Variants in CDH20 observed in about 807,000 individuals in gnomAD.
CDH20 encodes the protein cadherin 20, also known as cadherin-20.
In CDH20, 29 loss-of-function variants were observed where a neutral mutation model predicts 74.2. That is an observed-to-expected ratio of 0.39 (90% CI 0.29 to 0.53). CDH20 has a LOEUF of 0.53. CDH20 is among the 20% of genes least tolerant of loss of function. The probability of loss-of-function intolerance (pLI) is 0.69; values close to 1 mark genes in which losing one functional copy is unlikely to be tolerated. For synonymous variants in CDH20, 469 were observed against 405.4 expected (o/e 1.16, Z -1.88); for missense variants, 988 against 1,048.3 (o/e 0.94, Z 0.79).
intron 3 of CDH20, among the ~76,000 whole-genome samples, chr18:61,499,773 A>T (rs140933367): frequency 1.2e-4 from 19 of 152,274 alleles, no homozygotes; most frequent in African/African-American, 4.6e-4. Context: ...GATTTGTTTC[A>T]TAAGGGAGAA....
chr18:61,547,154 C>A (rs1913278033), intron 10 of CDH20, among the ~76,000 whole-genome samples: 1 of 152,124 alleles, frequency 6.6e-6, no homozygotes, highest in African/African-American at 2.4e-5. Context: ...CACACCAAGA[C>A]CCCATCCCTA....
intron 1 of CDH20, among the ~76,000 whole-genome samples, chr18:61,454,384 G>A (rs991849791): frequency 3.9e-5 from 6 of 152,230 alleles, no homozygotes; most frequent in Non-Finnish European, 7.4e-5. Flanking sequence ...TTGAGTTTTC[G>A]TTTTGGTTTG....
intron 3 of CDH20, among the ~76,000 whole-genome samples, chr18:61,499,779 G>T (rs1027957344): frequency 6.6e-6 from 1 of 152,132 alleles, no homozygotes; most frequent in Non-Finnish European, 1.5e-5. Context: ...TTTCATAAGG[G>T]AGAAATATTT....
intron 1 of CDH20, among the ~76,000 whole-genome samples, chr18:61,437,908 A>G (rs1031498765): frequency 6.6e-6 from 1 of 152,162 alleles, no homozygotes; most frequent in African/African-American, 2.4e-5. Context: ...TAAATGATTA[A>G]TACAGGGAAT....
chr18:61,377,533 T>C (rs925658813), intron 1 of CDH20, among the ~76,000 whole-genome samples: 1 of 152,094 alleles, frequency 6.6e-6, no homozygotes, highest in African/African-American at 2.4e-5. Context: ...TTTGAGTTTT[T>C]ACTTGGCCGC....
rs1394632012 is a variant in CDH20 at position 61,555,184 on chromosome 18, A to G, written c.*489A>G. On this transcript the variant is annotated 3_prime_UTR_variant, in exon 12 of 12. Coordinates refer to ENST00000262717, the MANE Select transcript of CDH20 (RefSeq NM_031891.4). ...CACAAGAAAGAACAAAAAACTTGTT[A>G]CTCAGTGAAATTAACCTACTTGTTC... The G allele has an allele frequency of 2.0e-6, 2 of 987,314 alleles. No individual in the cohort carries two copies. The highest frequency in any genetic ancestry group is 1.8e-5 in the African/African-American group (1 of 56,770). The allele number at this position is 987,314 out of a possible 1,614,324, so 61.2% of individuals were successfully genotyped here.
At position 61,554,676 on chromosome 18, in the gene CDH20, G is replaced by T. The variant is rs753763189; in HGVS notation, c.2387G>T (p.Gly796Val). The T allele has an allele frequency of 6.3e-7, 1 of 1,575,998 alleles. No homozygotes were observed. The highest frequency in any genetic ancestry group is 8.6e-7 in the Non-Finnish European group (1 of 1,160,522). The stretch of plus-strand genomic sequence containing the variant: ...GCCGAGCTCTACGGGGCGTCGGAGG[G>T]ACCCGCGCCGCTGTGGTGACGGAAG... ...KLAELYGASE[G>V]PAPLW The change falls in exon 12 of 12, where the codon GGA becomes GTA. Residue 796 changes from glycine to valine, a missense_variant. Around this residue, in one of 2 missense-constraint regions of CDH20, gnomAD observed 375 missense variants for 293.1 expected, o/e 1.28. Transcript: ENST00000262717.
intron 7 of CDH20, among the ~76,000 whole-genome samples, chr18:61,535,373 G>C (rs1469968391): frequency 1.3e-5 from 2 of 152,022 alleles, no homozygotes; most frequent in Admixed American, 1.3e-4. Context: ...CTTTACCAAG[G>C]ACTACATAAG....
chr18:61,340,476 T>C (rs1477013412), intron 1 of CDH20, among the ~76,000 whole-genome samples: 1 of 152,140 alleles, frequency 6.6e-6, no homozygotes, highest in East Asian at 1.9e-4. Context: ...TGGTGTTCTT[T>C]AGCTGGTATC....
intron 1 of CDH20, among the ~76,000 whole-genome samples, chr18:61,336,821 G>GA (rs978781053): frequency 6.6e-6 from 1 of 150,926 alleles, no homozygotes; most frequent in African/African-American, 2.4e-5. Flanking sequence ...AATATATGGG[G>GA]GGGGGTGATG....
intron 2 of CDH20, among the ~76,000 whole-genome samples, chr18:61,498,738 C>T (rs1445979336): frequency 2.0e-5 from 3 of 152,212 alleles, no homozygotes; most frequent in African/African-American, 7.2e-5. Context: ...TATCAGCCAA[C>T]TTGAATTGTC....
chr18:61,451,661 C>T (rs1909391331), intron 1 of CDH20, among the ~76,000 whole-genome samples: 2 of 151,526 alleles, frequency 1.3e-5, no homozygotes, highest in Non-Finnish European at 2.9e-5. Flanking sequence ...GATTTAATGG[C>T]AATAAATTTA....
chr18:61,503,109 G>T lies in CDH20; in HGVS notation c.818G>T (p.Arg273Leu). The change falls in exon 5 of 12, where the codon CGC (arginine) becomes CTC (leucine). Residue 273 changes from arginine to leucine, a missense_variant. Around this residue, in one of 2 missense-constraint regions of CDH20, gnomAD observed 613 missense variants for 755.2 expected, o/e 0.81. Transcript: ENST00000262717. ...TLSDVNDNPP[R>L]FPQKHYQMSV... is the part of the protein sequence containing the mutation. ...TCAGATGTCAATGATAACCCACCCC[G>T]CTTTCCCCAGAGTGAGTACCTAACC... The T allele has an allele frequency of 1.9e-6, 3 of 1,606,964 alleles. No homozygotes were observed. The highest frequency in any genetic ancestry group is 1.7e-5 in the Admixed American group (1 of 59,170).
intron 1 of CDH20, among the ~76,000 whole-genome samples, chr18:61,430,006 G>A (rs890248461): frequency 7.3e-5 from 11 of 151,320 alleles, no homozygotes; most frequent in African/African-American, 2.4e-4. Flanking sequence ...ACCCACAGGG[G>A]TCATCCTGAC....
intron 1 of CDH20, among the ~76,000 whole-genome samples, chr18:61,370,072 T>C (rs985238047): frequency 2.6e-5 from 4 of 152,084 alleles, no homozygotes; most frequent in Non-Finnish European, 4.4e-5. Context: ...AAAATAAAAG[T>C]TAGATAAAAA....
At chr18:61,553,400 A>G (rs553201315) in intron 11 of CDH20, among the ~76,000 whole-genome samples, 5 of 152,296 alleles carry the variant, frequency 3.3e-5, no homozygotes, top group South Asian at 2.1e-4. Context: ...TCTAGGGGGG[A>G]AAAATGCATT....
rs1453002737 is a variant in CDH20, at chr18:61,353,122, G to A, written c.-153+19295G>A. On this transcript the variant is annotated intron_variant, in intron 1 of 11. Transcript: ENST00000262717. This position sits in a 1 kb window ranked among gnomAD's most constrained non-coding sequence, Gnocchi z 4.6. ...CCCTGCAATCACCTCCATGATGTGTGCCCCAACAAAGGCGCGGGTCTGATA... is the reference window on the plus strand; with the variant it reads ...CCCTGCAATCACCTCCATGATGTGTACCCCAACAAAGGCGCGGGTCTGATA... Among the ~76,000 whole-genome samples, 2 of 152,110 alleles carry A rather than the reference G, an allele frequency of 1.3e-5. No individual in the cohort carries two copies. Among genetic ancestry groups the A allele is most frequent in the Non-Finnish European group, 2.9e-5 (2 of 68,026 alleles).
chr18:61,486,030 G>A (rs941997076), intron 1 of CDH20, among the ~76,000 whole-genome samples: 7 of 152,046 alleles, frequency 4.6e-5, no homozygotes, highest in South Asian at 2.1e-4. Flanking sequence ...CTGAGACTGC[G>A]CCACTGCAGT....
chr18:61,550,150 C>T lies in CDH20; in HGVS notation c.1821C>T (p.Ser607=), dbSNP rs1913381759. 16 of 1,614,176 alleles carry T rather than the reference C, an allele frequency of 9.9e-6. No individual in the cohort carries two copies. The highest frequency in any genetic ancestry group is 1.4e-5 in the Non-Finnish European group (16 of 1,180,044). ...ACGACGGCCACGTCATGTCCTGCAG[C>T]CCAGAGGCCTACATGCTCCCAGTCA... ...CDDDGHVMSC[S]PEAYMLPVSL... is the part of the protein sequence containing the mutation. Residue 607 remains serine, a synonymous_variant, in exon 11 of 12, where the codon AGC becomes AGT. Coordinates refer to ENST00000262717, the MANE Select transcript of CDH20 (RefSeq NM_031891.4).
Sources: gnomAD v4.1 joint callset for allele counts (sites outside exome capture counted in the v4.1 genomes callset) on GRCh38, gnomAD v4.1.1 for gene constraint, gnomAD v4.1.1 regional missense constraint, Gnocchi (gnomAD v3.1) non-coding constraint, MANE v1.5 for transcripts, NCBI Gene and HGNC (gene_info 2026-07-23, HGNC 2026-07-21) for gene names.